The following SPATA7 variants were observed in gnomAD, a reference collection of about 807,000 sequenced individuals.
SPATA7 encodes spermatogenesis associated 7.
In SPATA7, 43 loss-of-function variants were observed where a neutral mutation model predicts 51.8. The ratio of observed to expected loss-of-function variants is 0.83; its 90% CI spans 0.65 to 1.07. The LOEUF is 1.07. Among genes scored for constraint, SPATA7 ranks in the 50% least tolerant of loss-of-function variants. SPATA7 has a pLI of 0.00. For missense variants in SPATA7, 683 were observed against 701.3 expected (o/e 0.97, Z 0.30); for synonymous variants, 230 against 252.8 (o/e 0.91, Z 0.86).
chr14:88,398,997 A>G (rs1431353976), intron 4 of SPATA7, among the ~76,000 whole-genome samples: 2 of 151,312 alleles, frequency 1.3e-5, no homozygotes, highest in African/African-American at 4.9e-5. Context: ...GCTTGCAGTG[A>G]GCCGAGATGA....
At chr14:88,392,603 C>T (rs961367145) in intron 2 of SPATA7, among the ~76,000 whole-genome samples, 1 of 152,100 alleles carries the variant, frequency 6.6e-6, no homozygotes, top group Non-Finnish European at 1.5e-5. Context: ...TGCATTTAAA[C>T]AGTAACATAG....
intron 3 of SPATA7, among the ~76,000 whole-genome samples, chr14:88,454,533 G>A (rs900217430): frequency 6.6e-6 from 1 of 152,048 alleles, no homozygotes; most frequent in African/African-American, 2.4e-5. Context: ...AGCTGGCTGT[G>A]GTGGCTCACC....
In SPATA7 at chr14:88,469,798, G is replaced by T; in HGVS notation, c.255-49G>T. On this transcript the variant is annotated intron_variant, in intron 4 of 4. Coordinates refer to the SPATA7 transcript ENST00000556406. This position sits in a 1 kb window ranked among gnomAD's most constrained non-coding sequence, Gnocchi z 4.3. ...CAATGGATGCCTTTCTCACATAGACGGCACATCTGAAACAGAACCACAACC... is the reference window on the plus strand; with the variant it reads ...CAATGGATGCCTTTCTCACATAGACTGCACATCTGAAACAGAACCACAACC... 6.3e-7 allele frequency: 1 copy of T among 1,597,084 alleles called. No individual in the cohort carries two copies. Among genetic ancestry groups the T allele is most frequent in the Non-Finnish European group, 8.6e-7 (1 of 1,164,948 alleles).
intron 5 of SPATA7, among the ~76,000 whole-genome samples, chr14:88,422,196 A>G (rs958253841): frequency 6.6e-6 from 1 of 152,150 alleles, no homozygotes; most frequent in African/African-American, 2.4e-5. Context: ...TATATTTAGT[A>G]GACACTTGGA....
chr14:88,404,168 A>G (rs1224483867), intron 4 of SPATA7, among the ~76,000 whole-genome samples: 1 of 152,198 alleles, frequency 6.6e-6, no homozygotes, highest in Admixed American at 6.5e-5. Context: ...GACCAAAAGA[A>G]AAGGCATATC....
At chr14:88,459,668 G>A (rs746670243), downstream of SPATA7, among the ~76,000 whole-genome samples, 8 of 152,092 alleles carry the variant, frequency 5.3e-5, no homozygotes, top group Middle Eastern at 3.4e-3. Flanking sequence ...CTCTTTATCC[G>A]TTTTGCCAGT....
chr14:88,390,093 C>T (rs925782767), intron 1 of SPATA7, among the ~76,000 whole-genome samples: 1 of 152,142 alleles, frequency 6.6e-6, no homozygotes, highest in African/African-American at 2.4e-5. Context: ...GCTTCAATTA[C>T]CCTCATCTAT....
At chr14:88,385,923 A>G in intron 1 of SPATA7, 86 bp downstream of exon 1, 2 of 1,410,642 alleles carry the variant, frequency 1.4e-6, no homozygotes, top group Non-Finnish European at 1.8e-6. Context: ...AGCTGAGTGC[A>G]AGGCCGCCCC....
chr14:88,442,590 T>C (rs1256347027), downstream of SPATA7, among the ~76,000 whole-genome samples: 1 of 152,188 alleles, frequency 6.6e-6, no homozygotes, highest in Non-Finnish European at 1.5e-5. Context: ...GTATATCACA[T>C]TTATTGATTT....
intron 4 of SPATA7, among the ~76,000 whole-genome samples, chr14:88,414,994 A>G (rs2076437509): frequency 6.6e-6 from 1 of 152,118 alleles, no homozygotes; most frequent in African/African-American, 2.4e-5. Context: ...ATCTTAGAGT[A>G]TGTTCCACAT....
At chr14:88,422,137 A>C (rs560862587) in intron 5 of SPATA7, among the ~76,000 whole-genome samples, 16 of 152,078 alleles carry the variant, frequency 1.1e-4, no homozygotes, top group African/African-American at 3.9e-4. Context: ...AAGAGATAGG[A>C]GTTTATTGTT....
At chr14:88,426,163 A>G (rs1014007195) in intron 5 of SPATA7, 69 bp from the exon 6 acceptor site, 3 of 1,128,378 alleles carry the variant, frequency 2.7e-6, no homozygotes, top group Admixed American at 1.9e-5. Context: ...TTTTTAATGT[A>G]TAATCTCAAA....
chr14:88,455,128 A>C (rs759501025), exon 4 of SPATA7: 1 of 455,796 alleles, frequency 2.2e-6, no homozygotes, highest in Non-Finnish European at 4.4e-6. Context: ...GACACAACAA[A>C]TAGCATATGT....
At chr14:88,444,136 C>A (rs2077196393) in intron 3 of SPATA7, among the ~76,000 whole-genome samples, 1 of 151,934 alleles carries the variant, frequency 6.6e-6, no homozygotes, top group Admixed American at 6.6e-5. Context: ...CACATCCTCT[C>A]CAGCACCTGT....
At chr14:88,414,647 T>A (rs1236662405) in intron 4 of SPATA7, 1 of 393,130 alleles carries the variant, frequency 2.5e-6, no homozygotes, top group African/African-American at 2.1e-5. Context: ...TAGATTAATT[T>A]GAGATCTTTC....
At chr14:88,401,525 A>G (rs1029659592) in intron 4 of SPATA7, among the ~76,000 whole-genome samples, 1 of 152,096 alleles carries the variant, frequency 6.6e-6, no homozygotes, top group African/African-American at 2.4e-5. Context: ...AAGAAATAAA[A>G]GGCATACGAA....
At chr14:88,392,755 G>T (rs984766459) in intron 2 of SPATA7, among the ~76,000 whole-genome samples, 1 of 152,026 alleles carries the variant, frequency 6.6e-6, no homozygotes, top group African/African-American at 2.4e-5. Context: ...GTTTAAAAAA[G>T]CTTTGCCTAT....
In SPATA7 at chr14:88,445,183, C is replaced by T. The variant is rs575724099; in HGVS notation, c.177+7280C>T. Among the ~76,000 whole-genome samples, 508 of 151,294 alleles carry T rather than the reference C, an allele frequency of 3.4e-3. 8 individuals are homozygous for T. Among genetic ancestry groups the T allele is most frequent in the East Asian group, 0.015 (77 of 5,146 alleles). ...CCTTGAGCAGTGGTTTGTAGTTCTC[C>T]TTGAAGAGGTCCTTCACATCCCTTG... On this transcript the variant is annotated intron_variant, in intron 3 of 3. Transcript: ENST00000554802.
rs1566770402 is a variant in SPATA7, at chr14:88,416,824, C to T, written c.352C>T (p.Leu118Phe). ...RANYKNNSKS[L>F]FNTLQKPSGE... ...CAATTATAAAAATAATTCCAAGTCA[C>T]TTTTTAATACCTTACAAAAGGTAAG... The change falls in exon 5 of 12, where the codon CTT becomes TTT. Residue 118 changes from leucine to phenylalanine, a missense_variant. Coordinates refer to ENST00000393545, the MANE Select transcript of SPATA7 (RefSeq NM_018418.5). 1 of 1,597,846 alleles carries T rather than the reference C, an allele frequency of 6.3e-7. No individual in the cohort carries two copies. Among genetic ancestry groups the T allele is most frequent in the Non-Finnish European group, 8.6e-7 (1 of 1,166,384 alleles).
Sources: allele counts gnomAD v4.1 joint callset (sites outside exome capture counted in the v4.1 genomes callset), GRCh38; gene constraint gnomAD v4.1.1; non-coding constraint Gnocchi (gnomAD v3.1); transcripts MANE v1.5; gene names NCBI Gene and HGNC (gene_info 2026-07-23, HGNC 2026-07-21).